The following NUFIP2 variants were observed in gnomAD, a reference collection of about 807,000 sequenced individuals.
NUFIP2 encodes nuclear FMR1 interacting protein 2.
NUFIP2 carries 6 observed loss-of-function variants against 56.9 expected under a neutral mutation model. The ratio of observed to expected loss-of-function variants is 0.11; its 90% CI spans 0.06 to 0.21. NUFIP2 has a LOEUF of 0.21. NUFIP2 is among the 10% of genes least tolerant of loss of function. The probability of loss-of-function intolerance (pLI) is 1.00; values close to 1 mark genes in which losing one functional copy is unlikely to be tolerated. For missense variants in NUFIP2, 828 were observed against 826.8 expected (o/e 1.00, Z -0.02); for synonymous variants, 321 against 298.2 (o/e 1.08, Z -0.79).
chr17:29,271,183 G>A (rs993342063), intron 2 of NUFIP2, among the ~76,000 whole-genome samples: 1 of 152,128 alleles, frequency 6.6e-6, no homozygotes, highest in Admixed American at 6.6e-5. Flanking sequence ...GGGGGAAATA[G>A]GGATGTATGA....
In NUFIP2 at chr17:29,286,403, C is replaced by T. The variant is rs1230313623; in HGVS notation, c.1591G>A (p.Val531Met). Residue 531 changes from valine (V) to methionine (M), a missense_variant, in exon 2 of 4, where the codon GTG (valine) becomes ATG (methionine). By Grantham distance (21) the Val-to-Met change is conservative. Coordinates refer to ENST00000225388, the MANE Select transcript of NUFIP2 (RefSeq NM_020772.3). ...TCTCCTTGAAATGTCACCTCCATCACTTTATGCTCTGATGACTTCCCAGTA... is the reference window on the plus strand; with the variant it reads ...TCTCCTTGAAATGTCACCTCCATCATTTTATGCTCTGATGACTTCCCAGTA... Reference protein sequence around the residue: ...TVTGKSSEHKVMEVTFQGEYP... With the variant: ...TVTGKSSEHKMMEVTFQGEYP... 1 of 1,614,192 alleles carries T rather than the reference C, an allele frequency of 6.2e-7. No individual in the cohort carries two copies. The highest frequency in any genetic ancestry group is 2.2e-5 in the East Asian group (1 of 44,892).
At position 29,257,887 on chromosome 17, in the gene NUFIP2, G is replaced by C. The variant is rs2068979697; in HGVS notation, c.*6652C>G. 5 of 152,138 alleles carry C rather than the reference G, an allele frequency of 3.3e-5. No individual in the cohort carries two copies. The South Asian group carries it at 1.0e-3, about 32-fold the overall frequency. The allele number at this position is 152,138 out of a possible 1,614,324, so 9.4% of individuals were successfully genotyped here. A position where few individuals can be genotyped will look rare whatever the true frequency, so the allele number is the denominator to read the frequency against. ...CCACTAACAGACTAAGAACAAAAAA[G>C]ATACAACAAAAAAAGTAAATCACTT... On this transcript the variant is annotated 3_prime_UTR_variant, in exon 4 of 4. Transcript: ENST00000225388.
At chr17:29,273,797 C>CTGT (rs2069090916) in intron 2 of NUFIP2, among the ~76,000 whole-genome samples, 1 of 152,144 alleles carries the variant, frequency 6.6e-6, no homozygotes, top group Non-Finnish European at 1.5e-5. Flanking sequence ...TTCTTTACAT[C>CTGT]AAAACTTATA....
At chr17:29,266,958 C>CA (rs1318657966) in intron 3 of NUFIP2, among the ~76,000 whole-genome samples, 2 of 151,616 alleles carry the variant, frequency 1.3e-5, no homozygotes, top group Admixed American at 6.6e-5. Context: ...GGCTGGAGTG[C>CA]AATGGCACAA....
intron 2 of NUFIP2, among the ~76,000 whole-genome samples, chr17:29,274,931 A>C (rs916438739): frequency 6.6e-6 from 1 of 152,222 alleles, no homozygotes; most frequent in African/African-American, 2.4e-5. Flanking sequence ...ACTAAGAGCA[A>C]GAAAGAAAAA....
At position 29,286,805 on chromosome 17, in the gene NUFIP2, G is replaced by A. The variant is rs545226025; in HGVS notation, c.1189C>T (p.Arg397Cys). The A allele has an allele frequency of 4.3e-6, 7 of 1,614,156 alleles. No individual in the cohort carries two copies. Among genetic ancestry groups the A allele is most frequent in the Admixed American group, 1.7e-5 (1 of 60,018 alleles). Residue 397 changes from arginine (R) to cysteine (C), a missense_variant, in exon 2 of 4, where the codon CGC (arginine) becomes TGC (cysteine). By Grantham distance (180) the Arg-to-Cys change is radical. Transcript: ENST00000225388. ...GCTGACATAGGGACCTGGGATAAGC[G>A]ACTTGATGATTGGGTCTGAGTTTCC... ...TGETQTQSSS[R>C]LSQVPMSALK...
At chr17:29,279,783 G>T (rs1484405289) in intron 2 of NUFIP2, among the ~76,000 whole-genome samples, 1 of 152,080 alleles carries the variant, frequency 6.6e-6, no homozygotes, top group African/African-American at 2.4e-5. Flanking sequence ...AAAATGCTAG[G>T]ATTATAGGCA....
intron 2 of NUFIP2, among the ~76,000 whole-genome samples, chr17:29,283,919 A>G (rs1286141290): frequency 1.3e-5 from 2 of 152,210 alleles, no homozygotes; most frequent in Non-Finnish European, 2.9e-5. Flanking sequence ...CCATTAAGCA[A>G]TTCTACTACT....
rs77164190 is a variant in NUFIP2 at position 29,262,183 on chromosome 17, T to G, written c.*2356A>C. ...TGTCACAAACCCAGAAAGTTTCTTG[T>G]GAGTTGTGAGACGGAAGAACTTTAA... On this transcript the variant is annotated 3_prime_UTR_variant, in exon 4 of 4. Transcript: ENST00000225388. The G allele has an allele frequency of 4.2e-4, 64 of 152,614 alleles. 1 individual carries two copies. The East Asian group carries it at 0.012, about 29-fold the overall frequency. The allele number at this position is 152,614 out of a possible 1,614,324, so 9.5% of individuals were successfully genotyped here. A position where few individuals can be genotyped will look rare whatever the true frequency, so the allele number is the denominator to read the frequency against.
Position 29,263,180 on chromosome 17 carries a change from T to C in NUFIP2, c.*1359A>G, listed in dbSNP as rs1007404287. On this transcript the variant is annotated 3_prime_UTR_variant, in exon 4 of 4. Coordinates refer to ENST00000225388, the MANE Select transcript of NUFIP2 (RefSeq NM_020772.3). Reference sequence around the variant, plus strand: ...TGTTACTAACATCACCCAATCTCAATTGGACCCTTAATTTCTGCACACACA... The same window carrying C: ...TGTTACTAACATCACCCAATCTCAACTGGACCCTTAATTTCTGCACACACA... 1.3e-5 allele frequency: 2 copies of C among 152,548 alleles called. No individual in the cohort carries two copies. Among genetic ancestry groups the C allele is most frequent in the African/African-American group, 4.8e-5 (2 of 41,418 alleles). 9.4% of individuals were successfully genotyped at this position (152,548 alleles called of 1,614,324 possible).
chr17:29,284,521 C>T (rs570494742), intron 2 of NUFIP2, among the ~76,000 whole-genome samples: 2 of 151,836 alleles, frequency 1.3e-5, no homozygotes, highest in South Asian at 2.1e-4. Context: ...GCCTGGCCAA[C>T]ACGGTGAAAC....
rs2068985655 is a variant in NUFIP2, at chr17:29,258,833, T to G, written c.*5706A>C. ...GTAATGTAAAAAGTGCATCACATTCTTGATTTTCAGTTTCTCATAGCAGCA... is the reference window on the plus strand; with the variant it reads ...GTAATGTAAAAAGTGCATCACATTCGTGATTTTCAGTTTCTCATAGCAGCA... On this transcript the variant is annotated 3_prime_UTR_variant, in exon 4 of 4. Transcript: ENST00000225388. The G allele has an allele frequency of 6.6e-6, 1 of 152,228 alleles. No homozygotes were observed. The allele number at this position is 152,228 out of a possible 1,614,324, so 9.4% of individuals were successfully genotyped here.
chr17:29,289,648 G>A (rs950681020), intron 1 of NUFIP2, among the ~76,000 whole-genome samples: 19 of 152,104 alleles, frequency 1.2e-4, no homozygotes, highest in African/African-American at 3.9e-4. Flanking sequence ...ACACATTTAA[G>A]GCAGCAGGAA....
At chr17:29,268,661 GCATGCGCCAC>G (rs1324970463) in intron 2 of NUFIP2, among the ~76,000 whole-genome samples, 1 of 152,088 alleles carries the variant, frequency 6.6e-6, no homozygotes, top group Non-Finnish European at 1.5e-5. Flanking sequence ...GGGATTACAG[GCATGCGCCAC>G]CATGCTCAGA....
chr17:29,274,942 G>C (rs1468949744), intron 2 of NUFIP2, among the ~76,000 whole-genome samples: 1 of 151,988 alleles, frequency 6.6e-6, no homozygotes, highest in Non-Finnish European at 1.5e-5. Context: ...GAAAGAAAAA[G>C]CAGGTTTTGG....
At chr17:29,278,440 G>A (rs976031274) in intron 2 of NUFIP2, among the ~76,000 whole-genome samples, 2 of 151,930 alleles carry the variant, frequency 1.3e-5, no homozygotes, top group East Asian at 3.9e-4. Context: ...TAGAGACGGG[G>A]TTTCACCGTG....
At chr17:29,292,066 G>A (rs2069217305) in intron 1 of NUFIP2, among the ~76,000 whole-genome samples, 1 of 152,122 alleles carries the variant, frequency 6.6e-6, no homozygotes, top group South Asian at 2.1e-4. Context: ...ATCTGCGTGG[G>A]TTATAAACTA....
Position 29,294,120 on chromosome 17 carries a change from C to G in NUFIP2, c.-61G>C, listed in dbSNP as rs900574948. 9 of 1,537,070 alleles carry G rather than the reference C, an allele frequency of 5.9e-6. No individual in the cohort carries two copies. The highest frequency in any genetic ancestry group is 5.7e-5 in the Admixed American group (3 of 52,698). On this transcript the variant is annotated 5_prime_UTR_variant, in exon 1 of 4. Transcript: ENST00000225388. The stretch of plus-strand genomic sequence containing the variant: ...GCTGCTGCACCGTCAGGATCTGAGA[C>G]TGCTTCTCAGGGCTCACTCAGTATA...
intron 1 of NUFIP2, 122 bp downstream of exon 1, chr17:29,293,661 G>A: frequency 9.3e-7 from 1 of 1,071,290 alleles, no homozygotes; most frequent in South Asian, 1.9e-5. Context: ...CATCCCCAGA[G>A]CCGGAGGGGA....
Sources: gnomAD v4.1 joint callset for allele counts (sites outside exome capture counted in the v4.1 genomes callset) on GRCh38, gnomAD v4.1.1 for gene constraint, MANE v1.5 for transcripts, NCBI Gene and HGNC (gene_info 2026-07-23, HGNC 2026-07-21) for gene names.